Variants in ADCY8 observed in about 807,000 individuals in gnomAD.
ADCY8 encodes adenylate cyclase 8.
A neutral mutation model predicts 119.7 loss-of-function variants in ADCY8; 51 were observed. That is an observed-to-expected ratio of 0.43 (90% CI 0.34 to 0.54). The LOEUF is 0.54. Among genes scored for constraint, ADCY8 ranks in the 20% least tolerant of loss-of-function variants. The pLI, the probability that ADCY8 is intolerant of heterozygous loss-of-function variation, is 0.03. For synonymous variants in ADCY8, 665 were observed against 651.0 expected, an observed-to-expected ratio of 1.02 and a Z score of -0.33; for missense variants, 1,383 against 1,598.8, an observed-to-expected ratio of 0.87 and a Z score of 2.30.
At chr8:130,823,021 G>A (rs1397946120) in intron 12 of ADCY8, among the ~76,000 whole-genome samples, 1 of 152,214 alleles carries the variant, frequency 6.6e-6, no homozygotes, top group Non-Finnish European at 1.5e-5. Context: ...GAATGAGCAT[G>A]TCCTGCGTTC....
chr8:131,033,301 T>C (rs1824050316), intron 1 of ADCY8, among the ~76,000 whole-genome samples: 2 of 152,202 alleles, frequency 1.3e-5, no homozygotes, highest in Non-Finnish European at 2.9e-5. Flanking sequence ...AGTAGTGTCC[T>C]CTGATTAAAT....
chr8:130,842,008 G>A (rs796286554), intron 11 of ADCY8, among the ~76,000 whole-genome samples: 7 of 152,178 alleles, frequency 4.6e-5, no homozygotes, highest in African/African-American at 1.7e-4. Flanking sequence ...AAGATGGCTG[G>A]TCTGACTCTC....
chr8:130,917,159 C>T (rs1820153959), intron 5 of ADCY8, among the ~76,000 whole-genome samples: 2 of 152,178 alleles, frequency 1.3e-5, no homozygotes, highest in Admixed American at 1.3e-4. Flanking sequence ...ATTACCTCTC[C>T]TGTGCTAGGC....
At chr8:130,811,359 G>A (rs910195414) in intron 14 of ADCY8, among the ~76,000 whole-genome samples, 13 of 152,130 alleles carry the variant, frequency 8.5e-5, no homozygotes, top group African/African-American at 2.7e-4. Flanking sequence ...TTTTAGGGGC[G>A]CTACAGGTAA....
chr8:130,889,377 C>T (rs1819103530), intron 7 of ADCY8, among the ~76,000 whole-genome samples: 1 of 152,098 alleles, frequency 6.6e-6, no homozygotes, highest in South Asian at 2.1e-4. Flanking sequence ...TATCTCAATA[C>T]ACTTTATTGA....
chr8:130,957,405 G>A (rs1457032218), intron 2 of ADCY8, among the ~76,000 whole-genome samples: 1 of 152,194 alleles, frequency 6.6e-6, no homozygotes, highest in Admixed American at 6.5e-5. Context: ...GATGACTTGG[G>A]TGCTGTTGAA....
chr8:131,010,391 G>T (rs1823262786), intron 1 of ADCY8, among the ~76,000 whole-genome samples: 1 of 152,184 alleles, frequency 6.6e-6, no homozygotes, highest in Non-Finnish European at 1.5e-5. Flanking sequence ...TCTGCATAGG[G>T]TTTTGGAGGA....
chr8:131,040,130 G>A lies in ADCY8; in HGVS notation c.204C>T (p.Ala68=). 2 of 1,532,068 alleles carry A rather than the reference G, an allele frequency of 1.3e-6. No individual in the cohort carries two copies. Among genetic ancestry groups the A allele is most frequent in the Non-Finnish European group, 1.7e-6 (2 of 1,145,306 alleles). The allele number at this position is 1,532,068 out of a possible 1,614,324, so 94.9% of individuals were successfully genotyped here. ...TGGGGCCGCCGCCCGCAGGGTCCGA[G>A]GCTTTGCCCGAGCCTCCACTCCCGC... ...SGSGSGGSGK[A]SDPAGGGPNH... is the part of the protein sequence containing the mutation. Residue 68 remains alanine (A), a synonymous_variant, in exon 1 of 18, where the codon GCC becomes GCT. Coordinates refer to ENST00000286355, the MANE Select transcript of ADCY8 (RefSeq NM_001115.3).
rs1259673084 is a variant in ADCY8 at position 130,783,754 on chromosome 8, C to A, written c.3205G>T (p.Ala1069Ser). 4 of 1,613,804 alleles carry A rather than the reference C, an allele frequency of 2.5e-6. No homozygotes were observed. The highest frequency in any genetic ancestry group is 3.4e-6 in the Non-Finnish European group (4 of 1,179,854). The change falls in exon 17 of 18, where the codon GCC (alanine) becomes TCC (serine). Residue 1069 changes from alanine (A) to serine (S), a missense_variant. Ala to Ser is a moderately conservative substitution (Grantham distance 99, BLOSUM62 1). Transcript: ENST00000286355. ...ATCTCCTGTATGCTTTCTGTCAGGG[C>A]GAGTGAGAAGTCAGCCAGAGCACAC... Reference protein sequence around the residue: ...HLCALADFSLALTESIQEINK... With the variant: ...HLCALADFSLSLTESIQEINK...
intron 3 of ADCY8, 35 bp from the exon 4 acceptor site, chr8:130,943,497 G>GGGGGGGGGGGCGC: frequency 2.0e-6 from 1 of 491,354 alleles, no homozygotes; most frequent in Non-Finnish European, 4.2e-6. Flanking sequence ...GTGGGGGGAG[G>GGGGGGGGGGGCGC]AAGTATATTA....
chr8:131,012,446 A>G (rs752199641), intron 1 of ADCY8, among the ~76,000 whole-genome samples: 1 of 152,146 alleles, frequency 6.6e-6, no homozygotes, highest in Non-Finnish European at 1.5e-5. Context: ...CCTTTTTTAA[A>G]TTTCCCCAAA....
chr8:130,852,296 G>C (rs1382805001), intron 9 of ADCY8, among the ~76,000 whole-genome samples: 1 of 152,082 alleles, frequency 6.6e-6, no homozygotes, highest in African/African-American at 2.4e-5. Context: ...TGATTTTATG[G>C]ATCACCTTGA....
chr8:130,835,827 AT>A (rs567087174), intron 12 of ADCY8, among the ~76,000 whole-genome samples: 12 of 152,004 alleles, frequency 7.9e-5, no homozygotes, highest in Non-Finnish European at 1.3e-4. Context: ...AATATTTTTA[AT>A]TTTTTTTAAA....
At chr8:130,886,606 G>A (rs537402435) in intron 7 of ADCY8, among the ~76,000 whole-genome samples, 1 of 152,158 alleles carries the variant, frequency 6.6e-6, no homozygotes, top group East Asian at 1.9e-4. Flanking sequence ...GAGAAGAGAT[G>A]GAAATGACAG....
intron 6 of ADCY8, among the ~76,000 whole-genome samples, chr8:130,907,324 C>T (rs1279343018): frequency 6.6e-6 from 1 of 151,572 alleles, no homozygotes; most frequent in Non-Finnish European, 1.5e-5. Flanking sequence ...CTTCTAGAAA[C>T]CCAAGGCTCA....
intron 7 of ADCY8, 87 bp downstream of exon 7, chr8:130,903,685 T>C: frequency 1.4e-6 from 2 of 1,442,884 alleles, no homozygotes; most frequent in Non-Finnish European, 1.9e-6. Flanking sequence ...AGGTTAAAGA[T>C]GAATCAGTTT....
chr8:130,863,455 A>G (rs1818013368), intron 9 of ADCY8, among the ~76,000 whole-genome samples: 1 of 151,894 alleles, frequency 6.6e-6, no homozygotes, highest in African/African-American at 2.4e-5. Flanking sequence ...GACCATTAAC[A>G]TCAAAGAGTA....
intron 14 of ADCY8, among the ~76,000 whole-genome samples, chr8:130,803,130 G>C (rs1431316253): frequency 1.3e-5 from 2 of 152,178 alleles, no homozygotes; most frequent in Non-Finnish European, 2.9e-5. Flanking sequence ...CCCAAACAAA[G>C]ACACAAACCC....
At chr8:130,955,019 A>G (rs976225704) in intron 2 of ADCY8, among the ~76,000 whole-genome samples, 1 of 152,224 alleles carries the variant, frequency 6.6e-6, no homozygotes. Context: ...TTATTCATCT[A>G]ACAAATATTT....
Sources: gnomAD v4.1 joint callset for allele counts (sites outside exome capture counted in the v4.1 genomes callset) on GRCh38, gnomAD v4.1.1 for gene constraint, MANE v1.5 for transcripts, NCBI Gene and HGNC (gene_info 2026-07-23, HGNC 2026-07-21) for gene names.